Variants in VAMP5 observed in about 807,000 individuals in gnomAD.
The protein encoded by VAMP5 is vesicle associated membrane protein 5.
VAMP5 carries 10 observed loss-of-function variants against 8.1 expected under a neutral mutation model. That is an observed-to-expected ratio of 1.23 (90% confidence interval 0.76 to 2.09). The LOEUF (loss-of-function observed/expected upper bound fraction) is 2.09, where lower values mean the gene tolerates loss of function less well. Among genes scored for constraint, VAMP5 ranks in the 30% most tolerant of loss-of-function variants. The probability of loss-of-function intolerance (pLI) is 0.00; values close to 1 mark genes in which losing one functional copy is unlikely to be tolerated. For missense variants in VAMP5, 135 were observed against 152.5 expected, an observed-to-expected ratio of 0.89 and a Z score of 0.60; for synonymous variants, 62 against 60.6, an observed-to-expected ratio of 1.02 and a Z score of -0.11.
chr2:85,593,178 A>T lies in VAMP5; in HGVS notation c.*21A>T, dbSNP rs1049363. 219,209 of 1,613,020 alleles carry T rather than the reference A, an allele frequency of 0.14. 16,454 individuals carry two copies. Among genetic ancestry groups the T allele is most frequent in the Non-Finnish European group, 0.16 (184,155 of 1,179,542 alleles). ...ACTGACCCAGCTGGTCCTGAAGGAG[A>T]AGCCAAATGGCTGCACTGGCCGATT... On this transcript the variant is annotated 3_prime_UTR_variant, in exon 3 of 3. Coordinates refer to ENST00000306384, the MANE Select transcript of VAMP5 (RefSeq NM_006634.3).
In VAMP5 at chr2:85,593,105, G is replaced by A; in HGVS notation, c.299G>A (p.Ser100Asn). The A allele has an allele frequency of 6.2e-7, 1 of 1,614,254 alleles. No individual in the cohort carries two copies. Among genetic ancestry groups the A allele is most frequent in the East Asian group, 2.2e-5 (1 of 44,896 alleles). ...TTTCTCCCTCAGAGCAGTGACAGCAGTAGTGCCCCACGGACCCAGGATGCA... is the reference window on the plus strand; with the variant it reads ...TTTCTCCCTCAGAGCAGTGACAGCAATAGTGCCCCACGGACCCAGGATGCA... ...VVFLPQSSDSSSAPRTQDAGI... is the reference protein window; with the variant it reads ...VVFLPQSSDSNSAPRTQDAGI... The change falls in exon 3 of 3, where the codon AGT becomes AAT. Residue 100 changes from serine to asparagine, a missense_variant. Ser to Asn is a conservative substitution (Grantham distance 46, BLOSUM62 1). Coordinates refer to ENST00000306384, the MANE Select transcript of VAMP5 (RefSeq NM_006634.3).
chr2:85,585,196 A>T (rs185201103), intron 1 of VAMP5, among the ~76,000 whole-genome samples: 1 of 152,368 alleles, frequency 6.6e-6, no homozygotes, highest in Admixed American at 6.5e-5. Context: ...ACCTCTACCT[A>T]GTGACACATT....
intron 1 of VAMP5, among the ~76,000 whole-genome samples, chr2:85,587,468 G>C (rs974733216): frequency 5.3e-5 from 8 of 151,562 alleles, no homozygotes; most frequent in African/African-American, 1.7e-4. Context: ...TGGCCAGACT[G>C]GTCTCAGACT....
chr2:85,586,798 G>T (rs1364895500), intron 1 of VAMP5, among the ~76,000 whole-genome samples: 2 of 152,148 alleles, frequency 1.3e-5, no homozygotes, highest in Non-Finnish European at 2.9e-5. Context: ...GCAGCCGGGC[G>T]CGGTGGCTCA....
At chr2:85,591,690 C>G in intron 1 of VAMP5, 35 bp from the exon 2 acceptor site, 1 of 1,613,418 alleles carries the variant, frequency 6.2e-7, no homozygotes, top group Non-Finnish European at 8.5e-7. Flanking sequence ...CAGGTGGGGG[C>G]CTCATGCAGC....
intron 1 of VAMP5, among the ~76,000 whole-genome samples, chr2:85,588,764 C>T (rs1204856936): frequency 6.6e-6 from 1 of 152,138 alleles, no homozygotes; most frequent in Non-Finnish European, 1.5e-5. Flanking sequence ...CCTGCCCCAT[C>T]CCTCCCATCC....
chr2:85,589,507 T>C lies in VAMP5; in HGVS notation c.4-2218T>C, dbSNP rs556413467. On this transcript the variant is annotated intron_variant, in intron 1 of 2. Coordinates refer to ENST00000306384, the MANE Select transcript of VAMP5 (RefSeq NM_006634.3). The stretch of plus-strand genomic sequence containing the variant: ...AGAATGTGACCCAAATATCACCCCT[T>C]GTTGAAAAATAAGGTAACAACAGCT... 2.0e-5 allele frequency among the ~76,000 whole-genome samples: 3 copies of C among 152,314 alleles called. No individual in the cohort carries two copies. The South Asian group carries it at 6.2e-4, about 32-fold the overall frequency.
At chr2:85,586,609 T>G (rs1423906675) in intron 1 of VAMP5, among the ~76,000 whole-genome samples, 2 of 151,132 alleles carry the variant, frequency 1.3e-5, no homozygotes, top group Admixed American at 1.3e-4. Context: ...ACAAAATAAC[T>G]GGGTTAATAA....
chr2:85,591,970 G>T (rs1298626267), intron 2 of VAMP5, 108 bp downstream of exon 2: 3 of 1,516,266 alleles, frequency 2.0e-6, no homozygotes, highest in Non-Finnish European at 2.7e-6. Context: ...CCTTCTTGAG[G>T]GCCAGTGTGG....
At chr2:85,591,588 C>T (rs1457590450) in intron 1 of VAMP5, 137 bp from the exon 2 acceptor site, 1 of 1,339,254 alleles carries the variant, frequency 7.5e-7, no homozygotes, top group Non-Finnish European at 1.0e-6. Context: ...CCGCACACAT[C>T]ATACCCTTAC....
At chr2:85,586,973 G>A (rs1294211122) in intron 1 of VAMP5, among the ~76,000 whole-genome samples, 2 of 151,900 alleles carry the variant, frequency 1.3e-5, no homozygotes, top group Non-Finnish European at 2.9e-5. Context: ...TACCCTGGAG[G>A]CTGAGGCAGG....
At chr2:85,588,337 A>G (rs1672492860) in intron 1 of VAMP5, among the ~76,000 whole-genome samples, 1 of 152,062 alleles carries the variant, frequency 6.6e-6, no homozygotes, top group South Asian at 2.1e-4. Flanking sequence ...CATAGAGGGG[A>G]TATTCTGTAC....
In VAMP5 at chr2:85,591,840, G is replaced by A. The variant is rs202047163; in HGVS notation, c.119G>A (p.Arg40His). 28 of 1,614,142 alleles carry A rather than the reference G, an allele frequency of 1.7e-5. No homozygotes were observed. The highest frequency in any genetic ancestry group is 3.3e-4 in the Middle Eastern group (2 of 6,062). ...RGVKLAELQQRSDQLLDMSST... is the reference protein window; with the variant it reads ...RGVKLAELQQHSDQLLDMSST... ...GTGAAGCTGGCCGAACTGCAGCAGC[G>A]TTCAGACCAACTCCTGGATATGGTG... Residue 40 changes from arginine (R) to histidine (H), a missense_variant, in exon 2 of 3, where the codon CGT (arginine) becomes CAT (histidine). By Grantham distance (29) the Arg-to-His change is conservative. Transcript: ENST00000306384.
intron 1 of VAMP5, among the ~76,000 whole-genome samples, chr2:85,590,435 T>C (rs1672523361): frequency 6.6e-6 from 1 of 152,192 alleles, no homozygotes; most frequent in Non-Finnish European, 1.5e-5. Context: ...TGGGAGTTTG[T>C]GGTCCAGCTG....
chr2:85,593,129 C>A lies in VAMP5; in HGVS notation c.323C>A (p.Ala108Glu). 1 of 1,614,216 alleles carries A rather than the reference C, an allele frequency of 6.2e-7. No homozygotes were observed. The highest frequency in any genetic ancestry group is 2.2e-5 in the East Asian group (1 of 44,892). ...DSSSAPRTQD[A>E]GIASGPGN Reference sequence around the variant, plus strand: ...AGTAGTGCCCCACGGACCCAGGATGCAGGCATTGCCTCAGGGCCTGGGAAC... The same window carrying A: ...AGTAGTGCCCCACGGACCCAGGATGAAGGCATTGCCTCAGGGCCTGGGAAC... The change falls in exon 3 of 3, where the codon GCA (alanine) becomes GAA (glutamate). Residue 108 changes from alanine to glutamate, a missense_variant. By Grantham distance (107) the Ala-to-Glu change is moderately radical. Transcript: ENST00000306384.
intron 1 of VAMP5, 166 bp from the exon 2 acceptor site, chr2:85,591,559 C>G (rs776057662): frequency 9.4e-7 from 1 of 1,063,122 alleles, no homozygotes; most frequent in Non-Finnish European, 1.3e-6. Context: ...GCACTCACCC[C>G]GAAGGCCAGA....
At position 85,593,164 on chromosome 2, in the gene VAMP5, T is replaced by C. The variant is rs750549992; in HGVS notation, c.*7T>C. 8 of 1,613,958 alleles carry C rather than the reference T, an allele frequency of 5.0e-6. No individual in the cohort carries two copies. The South Asian group carries it at 6.6e-5, about 13-fold the overall frequency. ...CTCAGGGCCTGGGAACTGACCCAGC[T>C]GGTCCTGAAGGAGAAGCCAAATGGC... On this transcript the variant is annotated 3_prime_UTR_variant, in exon 3 of 3. Coordinates refer to ENST00000306384, the MANE Select transcript of VAMP5 (RefSeq NM_006634.3).
intron 1 of VAMP5, among the ~76,000 whole-genome samples, chr2:85,586,608 C>T (rs1462397762): frequency 6.7e-6 from 1 of 149,442 alleles, no homozygotes; most frequent in Non-Finnish European, 1.5e-5. Context: ...AACAAAATAA[C>T]TGGGTTAATA....
chr2:85,589,932 A>C (rs1672515053), intron 1 of VAMP5, among the ~76,000 whole-genome samples: 1 of 152,212 alleles, frequency 6.6e-6, no homozygotes, highest in Non-Finnish European at 1.5e-5. Flanking sequence ...TGCTGGGATT[A>C]CAGGTGTGAG....
Sources: allele counts gnomAD v4.1 joint callset (sites outside exome capture counted in the v4.1 genomes callset), GRCh38; gene constraint gnomAD v4.1.1; transcripts MANE v1.5; gene names NCBI Gene and HGNC (gene_info 2026-07-23, HGNC 2026-07-21).